Variants in NEBL observed in about 807,000 individuals in gnomAD.
NEBL encodes the protein LIM and SH3 protein 2.
A neutral mutation model predicts 140.2 loss-of-function variants in NEBL; 122 were observed. The observed-to-expected ratio is 0.87, with a 90% confidence interval of 0.75 to 1.01. The LOEUF (loss-of-function observed/expected upper bound fraction) is 1.01, where lower values mean the gene tolerates loss of function less well. NEBL is among the 50% of genes least tolerant of loss of function. NEBL has a pLI of 0.00. For missense variants in NEBL, 1,365 were observed against 1,231.3 expected, an observed-to-expected ratio of 1.11 and a Z score of -1.62; for synonymous variants, 436 against 398.9, an observed-to-expected ratio of 1.09 and a Z score of -1.11.
chr10:21,153,758 C>T (rs1170817245), intron 2 of NEBL, among the ~76,000 whole-genome samples: 1 of 152,062 alleles, frequency 6.6e-6, no homozygotes, highest in African/African-American at 2.4e-5. Flanking sequence ...TCGTGATCCT[C>T]CCTCCTCAGC....
intron 3 of NEBL, among the ~76,000 whole-genome samples, chr10:21,210,368 T>G (rs1841896419): frequency 6.6e-6 from 1 of 152,102 alleles, no homozygotes; most frequent in African/African-American, 2.4e-5. Context: ...CACTCCAGCC[T>G]GGGTGACAAG....
intron 4 of NEBL, among the ~76,000 whole-genome samples, chr10:20,940,444 A>T (rs1316797488): frequency 6.9e-6 from 1 of 145,936 alleles, no homozygotes; most frequent in Non-Finnish European, 1.5e-5. Flanking sequence ...CAGTGTGTAG[A>T]GGGAAATTTA....
chr10:21,169,064 AAAAATATATAT>A (rs1210698075), intron 2 of NEBL, among the ~76,000 whole-genome samples: 2 of 52,354 alleles, frequency 3.8e-5, no homozygotes, highest in African/African-American at 1.5e-4. Context: ...AAAAAAAAAA[AAAAATATATAT>A]ATATATATAT....
Position 21,173,614 on chromosome 10 carries a change from C to T in NEBL, c.69+151G>A. On this transcript the variant is annotated intron_variant, in intron 1 of 6. Coordinates refer to the NEBL transcript ENST00000417816. This position sits in a 1 kb window ranked among gnomAD's most constrained non-coding sequence, Gnocchi z 5.7. ...GCGTGGTCTCTGACACTCCCGCTGG[C>T]GTCTTCGTTCGCGCGCCCTCCCCCC... 2 of 1,279,424 alleles carry T rather than the reference C, an allele frequency of 1.6e-6. No individual in the cohort carries two copies. Among genetic ancestry groups the T allele is most frequent in the Non-Finnish European group, 2.2e-6 (2 of 906,886 alleles). The allele number at this position is 1,279,424 out of a possible 1,614,324, so 79.3% of individuals were successfully genotyped here.
intron 7 of NEBL, among the ~76,000 whole-genome samples, chr10:20,864,422 T>C: frequency 6.6e-6 from 1 of 152,196 alleles, no homozygotes; most frequent in African/African-American, 2.4e-5. Flanking sequence ...ATTGTAGAAG[T>C]TAATATAAGA....
At chr10:21,028,765 CAA>C (rs1242542670) in intron 2 of NEBL, among the ~76,000 whole-genome samples, 1 of 148,620 alleles carries the variant, frequency 6.7e-6, no homozygotes, top group Non-Finnish European at 1.5e-5. Context: ...AAATCTAACT[CAA>C]TATAATTTAA....
At chr10:21,278,377 G>A (rs975257206) in intron 1 of NEBL, among the ~76,000 whole-genome samples, 6 of 152,204 alleles carry the variant, frequency 3.9e-5, no homozygotes, top group African/African-American at 9.6e-5. Flanking sequence ...CCAGGACGTC[G>A]AGGCTTCAGT....
intron 2 of NEBL, among the ~76,000 whole-genome samples, chr10:21,122,761 T>C (rs780595991): frequency 4.6e-5 from 7 of 152,248 alleles, no homozygotes; most frequent in Middle Eastern, 3.4e-3. Context: ...CCAGTAGAGA[T>C]AGCAGTTGAA....
chr10:20,835,694 A>G, intron 13 of NEBL, 71 bp from the exon 14 acceptor site: 1 of 741,034 alleles, frequency 1.3e-6, no homozygotes. Context: ...CAATGATACT[A>G]AAAAAAAAAT....
chr10:21,100,982 A>T (rs1215363733), intron 2 of NEBL, among the ~76,000 whole-genome samples: 1 of 152,122 alleles, frequency 6.6e-6, no homozygotes, highest in Non-Finnish European at 1.5e-5. Flanking sequence ...CTTTCACGGG[A>T]ACATTTTGTG....
chr10:20,859,474 AAC>A (rs923959977), intron 8 of NEBL, among the ~76,000 whole-genome samples: 77 of 152,054 alleles, frequency 5.1e-4, no homozygotes, highest in African/African-American at 1.6e-3. Flanking sequence ...TCCACTCTTG[AAC>A]AGATATAATA....
At chr10:21,241,662 T>C (rs1330556811) in intron 3 of NEBL, among the ~76,000 whole-genome samples, 1 of 152,084 alleles carries the variant, frequency 6.6e-6, no homozygotes, top group Non-Finnish European at 1.5e-5. Context: ...TTTCTCCACA[T>C]CTGGAGAGCC....
At chr10:20,897,413 C>G, upstream of NEBL, 7 of 1,319,778 alleles carry the variant, frequency 5.3e-6, no homozygotes, top group Non-Finnish European at 6.7e-6. Flanking sequence ...CCAGGCTGGC[C>G]TCACAAGTGG....
chr10:20,816,068 C>T (rs1838694683), intron 21 of NEBL, among the ~76,000 whole-genome samples: 1 of 152,098 alleles, frequency 6.6e-6, no homozygotes, highest in South Asian at 2.1e-4. Flanking sequence ...GTGCCTGGCT[C>T]ACAGTATTTA....
intron 2 of NEBL, among the ~76,000 whole-genome samples, chr10:21,092,678 C>CCTTA (rs1257216201): frequency 2.0e-5 from 3 of 151,412 alleles, no homozygotes; most frequent in Non-Finnish European, 4.4e-5. Flanking sequence ...AGCCAACAGG[C>CCTTA]CTTACTAATA....
intron 14 of NEBL, among the ~76,000 whole-genome samples, chr10:20,833,857 G>T (rs1043974151): frequency 3.9e-5 from 6 of 152,196 alleles, no homozygotes; most frequent in African/African-American, 1.4e-4. Context: ...AGAGATAGTG[G>T]CTTAGGACTA....
chr10:20,840,559 A>G (rs952197118), intron 13 of NEBL, among the ~76,000 whole-genome samples, 180 bp downstream of exon 13: 1 of 152,120 alleles, frequency 6.6e-6, no homozygotes, highest in Admixed American at 6.5e-5. Context: ...TTTTTTTCAC[A>G]TCACATAGAA....
chr10:20,963,314 A>G (rs886372450), intron 3 of NEBL, among the ~76,000 whole-genome samples: 1 of 152,156 alleles, frequency 6.6e-6, no homozygotes, highest in Non-Finnish European at 1.5e-5. Context: ...TGCTGGTAGT[A>G]AGCACTGGAG....
At chr10:20,871,820 A>G (rs1844965708) in intron 5 of NEBL, among the ~76,000 whole-genome samples, 1 of 152,188 alleles carries the variant, frequency 6.6e-6, no homozygotes, top group Non-Finnish European at 1.5e-5. Flanking sequence ...TTAAATCTTT[A>G]GGGATTTTTT....
Sources: gnomAD v4.1 joint callset for allele counts (sites outside exome capture counted in the v4.1 genomes callset) on GRCh38, gnomAD v4.1.1 for gene constraint, Gnocchi (gnomAD v3.1) non-coding constraint, MANE v1.5 for transcripts, NCBI Gene and HGNC (gene_info 2026-07-23, HGNC 2026-07-21) for gene names.